Variants in CCDC146 observed in about 807,000 individuals in gnomAD.
CCDC146 encodes coiled-coil domain containing 146.
A neutral mutation model predicts 119.3 loss-of-function variants in CCDC146; 92 were observed. The observed-to-expected ratio is 0.77, with a 90% CI of 0.65 to 0.92. CCDC146 has a LOEUF of 0.92. CCDC146 is among the 40% of genes least tolerant of loss of function. The pLI is 0.00. For missense variants in CCDC146, 1,000 were observed against 1,103.0 expected, an observed-to-expected ratio of 0.91 and a Z score of 1.32; for synonymous variants, 372 against 371.8, an observed-to-expected ratio of 1.00 and a Z score of -0.01.
chr7:77,261,606 T>C (rs1377739526), intron 8 of CCDC146, among the ~76,000 whole-genome samples: 1 of 151,796 alleles, frequency 6.6e-6, no homozygotes. Context: ...GCCTCCCGAG[T>C]AGCTGGGACT....
chr7:77,220,611 G>A (rs1584084803), intron 2 of CCDC146, among the ~76,000 whole-genome samples: 1 of 152,172 alleles, frequency 6.6e-6, no homozygotes, highest in African/African-American at 2.4e-5. Flanking sequence ...TCTGTTAGGG[G>A]TCCCTGACTT....
chr7:77,260,147 C>G lies in CCDC146; in HGVS notation c.897C>G (p.Ala299=). ...NVIKEVEGKR[A]LLEIKEREHN... ...TAAAGGAAGTTGAAGGCAAACGAGC[C>G]TTACTTGAAATCAAAGAACGAGAAC... is the stretch of plus-strand genomic sequence containing the variant. The change falls in exon 8 of 19, where the codon GCC becomes GCG. Residue 299 remains alanine (A), a synonymous_variant. Transcript: ENST00000285871. 1 of 1,613,996 alleles carries G rather than the reference C, an allele frequency of 6.2e-7. No individual in the cohort carries two copies. Among genetic ancestry groups the G allele is most frequent in the African/African-American group, 1.3e-5 (1 of 74,992 alleles).
chr7:77,268,902 T>A (rs1235749312), intron 9 of CCDC146, among the ~76,000 whole-genome samples: 1 of 152,238 alleles, frequency 6.6e-6, no homozygotes, highest in Non-Finnish European at 1.5e-5. Flanking sequence ...TTTTTTTCCA[T>A]GCTGGGAAAT....
chr7:77,261,426 C>T (rs146376505), intron 8 of CCDC146, among the ~76,000 whole-genome samples: 1 of 152,110 alleles, frequency 6.6e-6, no homozygotes, highest in African/African-American at 2.4e-5. Context: ...TCCAGCTCCA[C>T]CCACGTTCCT....
chr7:77,207,933 T>G (rs3114364), intron 2 of CCDC146, among the ~76,000 whole-genome samples: 10,896 of 152,300 alleles, frequency 0.072, 562 homozygotes, highest in Non-Finnish European at 0.095. Context: ...AGGTATTCAT[T>G]GATTCAACAA....
rs1261610351 is a variant in CCDC146, at chr7:77,241,415, AT to A, written c.240-271del. ...TCTATAGAGCATTTCTCAGTTTGGA[AT>A]TTTTCTCATATTTAGGCCAGAGTTA... On this transcript the variant is annotated intron_variant, in intron 3 of 18. Transcript: ENST00000285871. Among the ~76,000 whole-genome samples the A allele has an allele frequency of 3.5e-5, 2 of 56,458 alleles. 1 individual carries two copies. The highest frequency in any genetic ancestry group is 1.2e-4 in the Non-Finnish European group (2 of 16,598). 37.0% of individuals were successfully genotyped at this position (56,458 alleles called of 152,430 possible).
intron 11 of CCDC146, among the ~76,000 whole-genome samples, chr7:77,277,399 C>A (rs1328290907): frequency 2.0e-5 from 3 of 152,174 alleles, no homozygotes; most frequent in Non-Finnish European, 4.4e-5. Context: ...ATTAAATGAG[C>A]TAATTTGTAT....
chr7:77,164,070 C>T (rs1183508844), intron 1 of CCDC146, among the ~76,000 whole-genome samples: 1 of 151,830 alleles, frequency 6.6e-6, no homozygotes. Context: ...ACCATGTTTG[C>T]CAGGCTAGTC....
chr7:77,225,879 G>T (rs748958905), intron 2 of CCDC146, among the ~76,000 whole-genome samples: 2 of 152,122 alleles, frequency 1.3e-5, no homozygotes, highest in Non-Finnish European at 2.9e-5. Flanking sequence ...GGAGGCGGAG[G>T]TTGCAGTGAG....
intron 3 of CCDC146, among the ~76,000 whole-genome samples, chr7:77,238,856 C>T (rs765531437): frequency 1.3e-5 from 2 of 152,200 alleles, no homozygotes; most frequent in Admixed American, 6.5e-5. Flanking sequence ...ACTATTTCTT[C>T]CTCTTCCAGG....
At chr7:77,163,095 T>C (rs1443460509) in intron 1 of CCDC146, among the ~76,000 whole-genome samples, 1 of 152,206 alleles carries the variant, frequency 6.6e-6, no homozygotes, top group Admixed American at 6.5e-5. Context: ...TATTTAAAGG[T>C]GCAGTGCTCT....
At chr7:77,164,781 A>G (rs1419257213) in intron 1 of CCDC146, among the ~76,000 whole-genome samples, 2 of 152,196 alleles carry the variant, frequency 1.3e-5, no homozygotes, top group African/African-American at 2.4e-5. Context: ...CCACCTGACT[A>G]ATACATTCAA....
At chr7:77,259,335 A>T in intron 7 of CCDC146, 1 of 352,448 alleles carries the variant, frequency 2.8e-6, no homozygotes, top group Non-Finnish European at 5.2e-6. Context: ...AGTTCAATTG[A>T]CTTTAACAGA....
At chr7:77,161,055 A>G (rs1372430541) in intron 1 of CCDC146, among the ~76,000 whole-genome samples, 1 of 152,270 alleles carries the variant, frequency 6.6e-6, no homozygotes, top group Non-Finnish European at 1.5e-5. Flanking sequence ...ATCACTGGCT[A>G]TCAGAGAAGT....
chr7:77,219,297 A>G (rs1792357635), intron 2 of CCDC146, among the ~76,000 whole-genome samples: 1 of 152,224 alleles, frequency 6.6e-6, no homozygotes, highest in Non-Finnish European at 1.5e-5. Context: ...TTGCTTAGGT[A>G]TCAAAGTTTG....
At position 77,237,180 on chromosome 7, in the gene CCDC146, G is replaced by A. The variant is rs115830217; in HGVS notation, c.239+151G>A. ...TTGAGAAGTGGTACGAGAAAGCATC[G>A]TGAGAGAGTGGGGAAGTGCGACTGG... On this transcript the variant is annotated intron_variant, in intron 3 of 18. Transcript: ENST00000285871. 508 of 635,670 alleles carry A rather than the reference G, an allele frequency of 8.0e-4. 3 individuals are homozygous for A. In the African/African-American group the frequency reaches 8.2e-3, roughly 10 times the overall value. 39.4% of individuals were successfully genotyped at this position (635,670 alleles called of 1,614,324 possible). A position where few individuals can be genotyped will look rare whatever the true frequency, so the allele number is the denominator to read the frequency against.
At chr7:77,203,704 T>A (rs944325656) in intron 2 of CCDC146, among the ~76,000 whole-genome samples, 1 of 152,214 alleles carries the variant, frequency 6.6e-6, no homozygotes, top group Non-Finnish European at 1.5e-5. Flanking sequence ...TGACTCCTAG[T>A]ATCGGCTGCT....
intron 1 of CCDC146, among the ~76,000 whole-genome samples, chr7:77,123,305 A>T (rs1462086478): frequency 6.6e-6 from 1 of 151,298 alleles, no homozygotes; most frequent in Non-Finnish European, 1.5e-5. Context: ...GACAAGGGTC[A>T]GATTATTTTC....
At chr7:77,258,445 C>T (rs1793222550) in intron 6 of CCDC146, among the ~76,000 whole-genome samples, 1 of 152,174 alleles carries the variant, frequency 6.6e-6, no homozygotes, top group Non-Finnish European at 1.5e-5. Flanking sequence ...GTAGACACCA[C>T]GCTTCAAGTA....
Sources: gnomAD v4.1 joint callset for allele counts (sites outside exome capture counted in the v4.1 genomes callset) on GRCh38, gnomAD v4.1.1 for gene constraint, MANE v1.5 for transcripts, NCBI Gene and HGNC (gene_info 2026-07-23, HGNC 2026-07-21) for gene names.